Variants in IDE observed in about 807,000 individuals in gnomAD.
The protein encoded by IDE is insulin degrading enzyme.
IDE carries 58 observed loss-of-function variants against 133.2 expected under a neutral mutation model. That is an observed-to-expected ratio of 0.44 (90% confidence interval 0.35 to 0.54). The LOEUF (loss-of-function observed/expected upper bound fraction) is 0.54, where lower values mean the gene tolerates loss of function less well. Ranked by LOEUF, IDE falls within the 20% of genes least tolerant of loss-of-function variation. The probability of loss-of-function intolerance (pLI) is 0.00; values close to 1 mark genes in which losing one functional copy is unlikely to be tolerated. For missense variants in IDE, 981 were observed against 1,234.0 expected (o/e 0.79, Z 3.07); for synonymous variants, 396 against 421.3 (o/e 0.94, Z 0.73).
chr10:92,491,406 C>G (rs1847331029), intron 11 of IDE, among the ~76,000 whole-genome samples: 1 of 152,040 alleles, frequency 6.6e-6, no homozygotes, highest in Admixed American at 6.6e-5. Flanking sequence ...CATTTGTGCT[C>G]TATGTTTTTT....
intron 23 of IDE, 66 bp from the exon 24 acceptor site, chr10:92,455,709 A>T: frequency 2.1e-6 from 2 of 934,432 alleles, no homozygotes; most frequent in East Asian, 2.4e-5. Flanking sequence ...ACAAAAAAAA[A>T]AAACTAAACC....
intron 1 of IDE, among the ~76,000 whole-genome samples, chr10:92,561,468 T>C (rs1843278887): frequency 6.6e-6 from 1 of 150,656 alleles, no homozygotes; most frequent in African/African-American, 2.4e-5. Context: ...TAAGATGATG[T>C]AAGCTGGGCG....
chr10:92,490,512 A>G lies in IDE; in HGVS notation c.1514T>C (p.Ile505Thr). 3 of 1,604,746 alleles carry G rather than the reference A, an allele frequency of 1.9e-6. No individual in the cohort carries two copies. The highest frequency in any genetic ancestry group is 2.6e-6 in the Non-Finnish European group (3 of 1,171,710). The change falls in exon 12 of 25, where the codon ATA (isoleucine) becomes ACA (threonine). Residue 505 changes from isoleucine (I) to threonine (T), a missense_variant. By Grantham distance (89) the Ile-to-Thr change is moderately conservative. Transcript: ENST00000265986. ...CCCTACCTTGATGACTTCATCCGGTATAGCTTCTTGTTTGTACTGGGTTCC... is the reference window on the plus strand; with the variant it reads ...CCCTACCTTGATGACTTCATCCGGTGTAGCTTCTTGTTTGTACTGGGTTCC... ...WYGTQYKQEA[I>T]PDEVIKKWQN...
intron 1 of IDE, among the ~76,000 whole-genome samples, chr10:92,541,928 C>A (rs1161841797): frequency 6.6e-6 from 1 of 152,080 alleles, no homozygotes. Context: ...GGAAACTGAA[C>A]CTCAAGGAGT....
intron 1 of IDE, among the ~76,000 whole-genome samples, chr10:92,563,111 C>T (rs1277658895): frequency 2.0e-5 from 3 of 152,012 alleles, no homozygotes; most frequent in East Asian, 1.9e-4. Context: ...ATTAGCCGGG[C>T]GTGGTGGCAG....
intron 14 of IDE, among the ~76,000 whole-genome samples, chr10:92,482,946 A>C (rs945669238): frequency 2.6e-5 from 4 of 151,860 alleles, no homozygotes; most frequent in African/African-American, 9.7e-5. Flanking sequence ...ATGCCCGGCT[A>C]ATTTTTTGTA....
Position 92,479,634 on chromosome 10 carries a change from C to T in IDE, c.1740-213G>A, listed in dbSNP as rs760061567. On this transcript the variant is annotated intron_variant, in intron 14 of 24. Transcript: ENST00000265986. ...GAGTGTGTGTGTGTGTGTGTGCATG[C>T]GTGCGTGTGTGCGTGCGCACTGGTA... 2.0e-4 allele frequency: 94 copies of T among 460,528 alleles called. 1 individual carries two copies. Among genetic ancestry groups the T allele is most frequent in the East Asian group, 2.0e-4 (6 of 29,586 alleles). The allele number at this position is 460,528 out of a possible 1,614,324, so 28.5% of individuals were successfully genotyped here. A position where few individuals can be genotyped will look rare whatever the true frequency, so the allele number is the denominator to read the frequency against.
At chr10:92,504,049 C>A (rs913792956) in intron 11 of IDE, among the ~76,000 whole-genome samples, 15 of 151,442 alleles carry the variant, frequency 9.9e-5, no homozygotes, top group Admixed American at 6.6e-4. Context: ...ACAAAAAGTT[C>A]TATCACATTG....
In IDE at chr10:92,452,557, A is replaced by G. The variant is rs1844796857; in HGVS notation, c.*1887T>C. 6.6e-6 allele frequency: 1 copy of G among 152,196 alleles called. No individual in the cohort carries two copies. The highest frequency in any genetic ancestry group is 2.1e-4 in the South Asian group (1 of 4,836). The allele number at this position is 152,196 out of a possible 1,614,324, so 9.4% of individuals were successfully genotyped here. On this transcript the variant is annotated 3_prime_UTR_variant, in exon 25 of 25. Transcript: ENST00000265986. Reference sequence around the variant, plus strand: ...TGGAAAATGCTGACGCATACCAAACAATTGCAGGTTCATGGAAGACTACAT... The same window carrying G: ...TGGAAAATGCTGACGCATACCAAACGATTGCAGGTTCATGGAAGACTACAT...
Position 92,456,367 on chromosome 10 carries a change from A to G in IDE, c.2888T>C (p.Met963Thr). ...KVSVHVLARE[M>T]DSCPVVGEFP... is the part of the protein sequence containing the mutation. ...CAACATTTGATACTTACAAGAATCC[A>G]TTTCCCTGGCAAGAACATGGACGGA... Residue 963 changes from methionine (M) to threonine (T), a missense_variant, in exon 23 of 25, where the codon ATG becomes ACG. By Grantham distance (81) the Met-to-Thr change is moderately conservative. This residue lies in a region of IDE where 660 missense variants were observed against 894.7 expected (regional missense o/e 0.74). Coordinates refer to ENST00000265986, the MANE Select transcript of IDE (RefSeq NM_004969.4). The G allele has an allele frequency of 6.2e-7, 1 of 1,612,512 alleles. No individual in the cohort carries two copies. The highest frequency in any genetic ancestry group is 1.1e-5 in the South Asian group (1 of 91,062).
In IDE at chr10:92,451,833, A is replaced by G. The variant is rs1844755881; in HGVS notation, c.*2611T>C. 6.6e-6 allele frequency: 1 copy of G among 152,268 alleles called. No homozygotes were observed. The highest frequency in any genetic ancestry group is 2.4e-5 in the African/African-American group (1 of 41,472). The allele number at this position is 152,268 out of a possible 1,614,324, so 9.4% of individuals were successfully genotyped here. On this transcript the variant is annotated 3_prime_UTR_variant, in exon 25 of 25. Transcript: ENST00000265986. ...CAAGAAGACAGAGATTGAACAAGAT[A>G]TCTGCCTAAACTGCAGCTGGAGATG...
intron 4 of IDE, among the ~76,000 whole-genome samples, chr10:92,522,257 T>C (rs1281508370): frequency 6.6e-6 from 1 of 152,202 alleles, no homozygotes; most frequent in Non-Finnish European, 1.5e-5. Flanking sequence ...TCCTTCCTAC[T>C]TCTCTATGCA....
intron 7 of IDE, 91 bp from the exon 8 acceptor site, chr10:92,508,296 C>T (rs183373901): frequency 3.7e-5 from 35 of 949,048 alleles, no homozygotes; most frequent in Admixed American, 3.3e-4. Context: ...CTGTATGTTC[C>T]TAAGATATCA....
At chr10:92,529,116 CCT>C (rs1468152750) in intron 4 of IDE, among the ~76,000 whole-genome samples, 1 of 151,906 alleles carries the variant, frequency 6.6e-6, no homozygotes, top group Admixed American at 6.6e-5. Context: ...CAAAAAATCC[CCT>C]GATGAACAAA....
At chr10:92,490,440 T>G (rs961427857) in intron 12 of IDE, 53 bp downstream of exon 12, 3 of 1,114,450 alleles carry the variant, frequency 2.7e-6, no homozygotes, top group Non-Finnish European at 4.1e-6. Flanking sequence ...TAGGGAGCAA[T>G]GTTCTTGTGA....
chr10:92,484,197 G>T (rs959743512), intron 13 of IDE, among the ~76,000 whole-genome samples: 12 of 152,056 alleles, frequency 7.9e-5, no homozygotes, highest in African/African-American at 2.4e-4. Flanking sequence ...TGGATCATGA[G>T]GCCGGGAGTT....
At chr10:92,509,081 G>A (rs986025576) in intron 6 of IDE, among the ~76,000 whole-genome samples, 191 bp from the exon 7 acceptor site, 3 of 152,122 alleles carry the variant, frequency 2.0e-5, no homozygotes, top group Non-Finnish European at 4.4e-5. Flanking sequence ...ATTACAGTCG[G>A]TATATAGTCC....
intron 1 of IDE, chr10:92,554,998 A>C (rs547289111): frequency 6.6e-6 from 1 of 152,350 alleles, no homozygotes; most frequent in South Asian, 2.1e-4. Flanking sequence ...AACTCTCAAC[A>C]AATTAGGTAT....
intron 1 of IDE, among the ~76,000 whole-genome samples, chr10:92,565,779 A>G (rs979709049): frequency 2.6e-5 from 4 of 152,090 alleles, no homozygotes; most frequent in African/African-American, 4.8e-5. Context: ...TTCAGACTCA[A>G]TATCATCAAC....
Sources: allele counts gnomAD v4.1 joint callset (sites outside exome capture counted in the v4.1 genomes callset), GRCh38; gene constraint gnomAD v4.1.1; regional missense constraint gnomAD v4.1.1; transcripts MANE v1.5; gene names NCBI Gene and HGNC (gene_info 2026-07-23, HGNC 2026-07-21).